IL33: variants seen among roughly 807,000 people sequenced by gnomAD.
IL33 encodes interleukin 33.
IL33 carries 37 observed loss-of-function variants against 27.3 expected under a neutral mutation model. The ratio of observed to expected loss-of-function variants is 1.36; its 90% CI spans 1.04 to 1.78. The LOEUF is 1.78. Among genes scored for constraint, IL33 ranks in the 40% most tolerant of loss-of-function variants. IL33 has a pLI of 0.00. For missense variants in IL33, 406 were observed against 311.4 expected (o/e 1.30, Z -2.29); for synonymous variants, 132 against 102.9 (o/e 1.28, Z -1.71).
At chr9:6,247,897 C>T (rs1034552057) in intron 2 of IL33, among the ~76,000 whole-genome samples, 7 of 152,008 alleles carry the variant, frequency 4.6e-5, no homozygotes, top group South Asian at 4.2e-4. Flanking sequence ...TGCTAGCCCC[C>T]ACATGTACAT....
At chr9:6,230,052 A>T (rs1818850689) in intron 1 of IL33, among the ~76,000 whole-genome samples, 1 of 152,198 alleles carries the variant, frequency 6.6e-6, no homozygotes, top group African/African-American at 2.4e-5. Flanking sequence ...ATTGGTCTAA[A>T]TGTAGAGAGT....
chr9:6,248,752 T>G (rs566689798), intron 2 of IL33, among the ~76,000 whole-genome samples: 1 of 151,772 alleles, frequency 6.6e-6, no homozygotes, highest in African/African-American at 2.4e-5. Context: ...TTTTTTTTTT[T>G]AAATTTTTTG....
intron 2 of IL33, among the ~76,000 whole-genome samples, chr9:6,244,657 T>C (rs1163284362): frequency 6.6e-6 from 1 of 152,178 alleles, no homozygotes; most frequent in Non-Finnish European, 1.5e-5. Context: ...GTTACTGCAC[T>C]AAAACTGTGA....
intron 1 of IL33, among the ~76,000 whole-genome samples, chr9:6,223,461 T>C (rs1241373447): frequency 6.6e-6 from 1 of 151,988 alleles, no homozygotes; most frequent in Non-Finnish European, 1.5e-5. Flanking sequence ...TTATTTTTTC[T>C]ATTTTTTGAT....
At chr9:6,232,949 C>A (rs1042831240) in intron 1 of IL33, among the ~76,000 whole-genome samples, 6 of 152,206 alleles carry the variant, frequency 3.9e-5, no homozygotes, top group African/African-American at 1.4e-4. Flanking sequence ...CTTTCTACTT[C>A]CTCCACTCCC....
intron 4 of IL33, among the ~76,000 whole-genome samples, chr9:6,252,052 C>CAAAA (rs1311401521): frequency 1.1e-4 from 4 of 36,182 alleles, no homozygotes; most frequent in African/African-American, 3.8e-4. Flanking sequence ...AACAAACAAA[C>CAAAA]AAACAAAAAA....
chr9:6,215,956 T>C (rs1427257551), intron 1 of IL33, 104 bp downstream of exon 1: 1 of 151,826 alleles, frequency 6.6e-6, no homozygotes, highest in Non-Finnish European at 1.5e-5. Context: ...AAATAAATGA[T>C]AAGGCCAATT....
At chr9:6,249,530 A>G (rs1816207177) in intron 2 of IL33, among the ~76,000 whole-genome samples, 1 of 152,132 alleles carries the variant, frequency 6.6e-6, no homozygotes, top group Non-Finnish European at 1.5e-5. Context: ...TCTTTTTGAG[A>G]CTTAGATTTT....
At position 6,251,236 on chromosome 9, in the gene IL33, C is replaced by G. The variant is rs1816338074; in HGVS notation, c.314C>G (p.Thr105Ser). The G allele has an allele frequency of 1.2e-6, 2 of 1,613,736 alleles. No individual in the cohort carries two copies. The highest frequency in any genetic ancestry group is 2.7e-5 in the African/African-American group (2 of 74,886). The part of the protein sequence containing the change: ...AFGISGVQKY[T>S]RALHDSSITG... ...GGTATATCAGGGGTCCAGAAATATACTAGAGCACTTCATGATTCAAGTATC... is the reference window on the plus strand; with the variant it reads ...GGTATATCAGGGGTCCAGAAATATAGTAGAGCACTTCATGATTCAAGTATC... Residue 105 changes from threonine (T) to serine (S), a missense_variant, in exon 4 of 8, where the codon ACT (threonine) becomes AGT (serine). By Grantham distance (58) the Thr-to-Ser change is moderately conservative. Transcript: ENST00000682010.
At chr9:6,251,429 G>C (rs1376195869) in intron 4 of IL33, among the ~76,000 whole-genome samples, 164 bp downstream of exon 4, 1 of 152,014 alleles carries the variant, frequency 6.6e-6, no homozygotes, top group Non-Finnish European at 1.5e-5. Context: ...ATCCAAAGTA[G>C]GTGCAAGGTA....
At chr9:6,240,730 A>G (rs1388735999) in intron 1 of IL33, among the ~76,000 whole-genome samples, 3 of 152,156 alleles carry the variant, frequency 2.0e-5, no homozygotes, top group South Asian at 4.1e-4. Flanking sequence ...ATCACTGTAC[A>G]CTTAGACTAC....
chr9:6,255,909 T>A (rs879200309), intron 7 of IL33, 59 bp from the exon 8 acceptor site: 1 of 1,375,658 alleles, frequency 7.3e-7, no homozygotes, highest in Admixed American at 1.7e-5. Flanking sequence ...TACAGGCAGG[T>A]AAAGTTGACT....
chr9:6,228,091 A>G (rs183916808), intron 1 of IL33, among the ~76,000 whole-genome samples: 32 of 152,356 alleles, frequency 2.1e-4, no homozygotes, highest in Admixed American at 2.6e-4. Flanking sequence ...TGAATAAGTT[A>G]AATATGTGAA....
intron 2 of IL33, among the ~76,000 whole-genome samples, chr9:6,244,112 G>A (rs957623708): frequency 3.3e-5 from 5 of 152,170 alleles, no homozygotes; most frequent in Non-Finnish European, 7.3e-5. Context: ...TGGAATGAGG[G>A]AGTGGGCTAG....
At chr9:6,236,248 CA>C (rs1165267291) in intron 1 of IL33, among the ~76,000 whole-genome samples, 1 of 150,646 alleles carries the variant, frequency 6.6e-6, no homozygotes, top group South Asian at 2.1e-4. Context: ...TTGGAAAATG[CA>C]AAAAAAAGCT....
At chr9:6,235,527 C>T (rs1327882757) in intron 1 of IL33, among the ~76,000 whole-genome samples, 1 of 151,988 alleles carries the variant, frequency 6.6e-6, no homozygotes. Flanking sequence ...TATATTTTAC[C>T]ACATAATATT....
intron 1 of IL33, among the ~76,000 whole-genome samples, chr9:6,225,005 G>T (rs1231762032): frequency 6.6e-6 from 1 of 152,070 alleles, no homozygotes; most frequent in Non-Finnish European, 1.5e-5. Flanking sequence ...CTTTGTATAT[G>T]CTGAGATTTG....
At chr9:6,252,194 A>G (rs926555439) in intron 4 of IL33, among the ~76,000 whole-genome samples, 1 of 152,018 alleles carries the variant, frequency 6.6e-6, no homozygotes, top group Non-Finnish European at 1.5e-5. Context: ...CTCATTAAGT[A>G]TTTCTAAATC....
chr9:6,215,280 T>C (rs530058000), upstream of IL33, among the ~76,000 whole-genome samples: 1 of 152,320 alleles, frequency 6.6e-6, no homozygotes, highest in African/African-American at 2.4e-5. Context: ...TGCGAGATTT[T>C]TGAGATGAAT....
Sources: gnomAD v4.1 joint callset for allele counts (sites outside exome capture counted in the v4.1 genomes callset) on GRCh38, gnomAD v4.1.1 for gene constraint, MANE v1.5 for transcripts, NCBI Gene and HGNC (gene_info 2026-07-23, HGNC 2026-07-21) for gene names.